Variants in TERF1 observed in about 807,000 individuals in gnomAD.
TERF1 encodes the protein telomeric repeat-binding factor 1.
A neutral mutation model predicts 55.1 loss-of-function variants in TERF1; 20 were observed. The ratio of observed to expected loss-of-function variants is 0.36; its 90% CI spans 0.26 to 0.53. The LOEUF (loss-of-function observed/expected upper bound fraction) is 0.53, where lower values mean the gene tolerates loss of function less well. TERF1 is among the 20% of genes least tolerant of loss of function. The pLI, the probability that TERF1 is intolerant of heterozygous loss-of-function variation, is 0.91. For synonymous variants in TERF1, 168 were observed against 181.2 expected (o/e 0.93, Z 0.59); for missense variants, 439 against 535.7 (o/e 0.82, Z 1.78).
chr8:73,031,551 C>A (rs1295551927), intron 7 of TERF1: 2 of 151,494 alleles, frequency 1.3e-5, no homozygotes, highest in African/African-American at 2.4e-5. Context: ...GCAGAGTTTT[C>A]AAAAAAAATG....
At chr8:73,039,463 A>G (rs1367037899) in intron 9 of TERF1, among the ~76,000 whole-genome samples, 1 of 152,196 alleles carries the variant, frequency 6.6e-6, no homozygotes, top group East Asian at 1.9e-4. Flanking sequence ...TTATTGTGAT[A>G]CTATCATAAA....
intron 2 of TERF1, among the ~76,000 whole-genome samples, chr8:73,019,767 C>T (rs1037218174): frequency 6.6e-6 from 1 of 152,178 alleles, no homozygotes; most frequent in Non-Finnish European, 1.5e-5. Flanking sequence ...GTTTTTCTTC[C>T]AGATCTTTGT....
intron 5 of TERF1, among the ~76,000 whole-genome samples, chr8:73,025,521 G>A (rs1051517613): frequency 1.3e-5 from 2 of 150,636 alleles, no homozygotes; most frequent in Non-Finnish European, 3.0e-5. Flanking sequence ...GGGAGGCCAA[G>A]GCAGGTGAAT....
chr8:73,016,773 A>G (rs1808527049), intron 2 of TERF1, among the ~76,000 whole-genome samples: 1 of 152,050 alleles, frequency 6.6e-6, no homozygotes, highest in African/African-American at 2.4e-5. Flanking sequence ...GAGAAAAGCC[A>G]ATCATGTTTG....
chr8:73,032,182 A>G (rs1250305669), intron 8 of TERF1, 49 bp downstream of exon 8: 2 of 1,360,614 alleles, frequency 1.5e-6, no homozygotes, highest in African/African-American at 1.5e-5. Flanking sequence ...ATGTGTCCTC[A>G]AACAATCCAG....
intron 8 of TERF1, among the ~76,000 whole-genome samples, chr8:73,037,687 TA>T (rs1809612301): frequency 2.0e-5 from 1 of 49,010 alleles, no homozygotes. Flanking sequence ...ATATAATATA[TA>T]TTATATAGTA....
At position 73,033,839 on chromosome 8, in the gene TERF1, A is replaced by C. The variant is rs550012474; in HGVS notation, c.1039+1706A>C. 1.3e-4 allele frequency among the ~76,000 whole-genome samples: 20 copies of C among 152,314 alleles called. No individual in the cohort carries two copies. In the South Asian group the frequency reaches 4.1e-3, roughly 32 times the overall value. ...TTAGCACATTTTATTAGGTGTCAGTAATAAGTACGTTTTCTTAAAAAAATT... is the reference window on the plus strand; with the variant it reads ...TTAGCACATTTTATTAGGTGTCAGTCATAAGTACGTTTTCTTAAAAAAATT... On this transcript the variant is annotated intron_variant, in intron 8 of 9. Coordinates refer to ENST00000276603, the MANE Select transcript of TERF1 (RefSeq NM_017489.3).
At chr8:73,033,956 T>G (rs1809405979) in intron 8 of TERF1, among the ~76,000 whole-genome samples, 1 of 152,208 alleles carries the variant, frequency 6.6e-6, no homozygotes, top group South Asian at 2.1e-4. Context: ...CTTCTTTTTC[T>G]GTTTTTGGAG....
chr8:73,037,416 A>T (rs1410320057), intron 8 of TERF1, among the ~76,000 whole-genome samples: 1 of 131,422 alleles, frequency 7.6e-6, no homozygotes, highest in East Asian at 2.0e-4. Flanking sequence ...AATACATATA[A>T]ATTTTTATAT....
chr8:73,030,335 G>C lies in TERF1; in HGVS notation c.888-1G>C, dbSNP rs904609555. The C allele has an allele frequency of 4.6e-6, 7 of 1,537,756 alleles. No individual in the cohort carries two copies. The African/African-American group carries it at 5.7e-5, about 12-fold the overall frequency. ...CTTACAAATTTTTTCTTCTTTTAAAGTGTTAGTGACAAACAGTCTGCGGTA... is the reference window on the plus strand; with the variant it reads ...CTTACAAATTTTTTCTTCTTTTAAACTGTTAGTGACAAACAGTCTGCGGTA... On this transcript the variant is annotated splice_acceptor_variant, in intron 6 of 9. Coordinates refer to ENST00000276603, the MANE Select transcript of TERF1 (RefSeq NM_017489.3). LOFTEE classifies it high-confidence loss of function.
rs375420725 is a variant in TERF1 at position 73,022,042 on chromosome 8, A to G, written c.538-174A>G. 2.0e-4 allele frequency among the ~76,000 whole-genome samples: 30 copies of G among 152,344 alleles called. No homozygotes were observed. In the South Asian group the frequency reaches 5.6e-3, roughly 28 times the overall value. On this transcript the variant is annotated intron_variant, in intron 3 of 9. Coordinates refer to ENST00000276603, the MANE Select transcript of TERF1 (RefSeq NM_017489.3). ...CAAATTTTTCATGTCATTTCAAGCG[A>G]CACTTATTTTGTCTTTGAAAAATAA...
Position 73,039,959 on chromosome 8 carries a change from G to C in TERF1, c.1143+740G>C, listed in dbSNP as rs183411099. Among the ~76,000 whole-genome samples, 724 of 146,248 alleles carry C rather than the reference G, an allele frequency of 5.0e-3. 8 individuals carry two copies. Among genetic ancestry groups the C allele is most frequent in the African/African-American group, 0.017 (678 of 39,310 alleles). ...AGCTACTGCACCCAGTCAGGCCCTTGTTTTCTTTTGTGGCTGGAACCGTTT... is the reference window on the plus strand; with the variant it reads ...AGCTACTGCACCCAGTCAGGCCCTTCTTTTCTTTTGTGGCTGGAACCGTTT... On this transcript the variant is annotated intron_variant, in intron 9 of 9. Transcript: ENST00000276603.
intron 3 of TERF1, among the ~76,000 whole-genome samples, chr8:73,021,141 C>T (rs1224713061): frequency 6.6e-6 from 1 of 151,924 alleles, no homozygotes; most frequent in African/African-American, 2.4e-5. Flanking sequence ...AAAATTTTAA[C>T]CAAGTAGGGA....
chr8:73,017,815 G>C (rs943540978), intron 2 of TERF1, among the ~76,000 whole-genome samples: 1 of 150,948 alleles, frequency 6.6e-6, no homozygotes, highest in African/African-American at 2.4e-5. Context: ...CGATTCTTCT[G>C]CCTCAGCCTC....
intron 9 of TERF1, among the ~76,000 whole-genome samples, chr8:73,044,076 C>A (rs1409558887): frequency 6.6e-6 from 1 of 152,094 alleles, no homozygotes; most frequent in Non-Finnish European, 1.5e-5. Context: ...TAATCAGTCA[C>A]CCCACACATG....
At chr8:73,041,320 T>A (rs1024539770) in intron 9 of TERF1, among the ~76,000 whole-genome samples, 1 of 152,196 alleles carries the variant, frequency 6.6e-6, no homozygotes, top group Admixed American at 6.5e-5. Flanking sequence ...TCTCTCTTGT[T>A]GTCTCTGGGT....
rs2975853 is a variant in TERF1, at chr8:73,021,004, T to C, written c.537+199T>C. Among the ~76,000 whole-genome samples, 90,303 of 151,886 alleles carry C rather than the reference T, an allele frequency of 0.59. 27,852 individuals are homozygous for C. The highest frequency in any genetic ancestry group is 0.76 in the Middle Eastern group (224 of 294). On this transcript the variant is annotated intron_variant, in intron 3 of 9. Transcript: ENST00000276603. The stretch of plus-strand genomic sequence containing the variant: ...GTGCCATACTTAAGCATATGTTGCC[T>C]CTATGTTGTGGAAAATTTAAAAACC...
intron 3 of TERF1, among the ~76,000 whole-genome samples, chr8:73,021,862 CCT>C (rs1225031549): frequency 6.6e-6 from 1 of 152,186 alleles, no homozygotes; most frequent in African/African-American, 2.4e-5. Flanking sequence ...TCATCTACCT[CCT>C]CTCATTTCCC....
chr8:73,032,074 A>C lies in TERF1; in HGVS notation c.980A>C (p.Gln327Pro), dbSNP rs1296142489. 1 of 1,611,832 alleles carries C rather than the reference A, an allele frequency of 6.2e-7. No individual in the cohort carries two copies. The highest frequency in any genetic ancestry group is 1.3e-5 in the African/African-American group (1 of 74,820). The change falls in exon 8 of 10, where the codon CAA (glutamine) becomes CCA (proline). Residue 327 changes from glutamine to proline, a missense_variant. Physicochemically the swap from Gln to Pro is moderately conservative, Grantham distance 76 (BLOSUM62 -1). Around this residue, in one of 4 missense-constraint regions of TERF1, gnomAD observed 140 missense variants for 158.6 expected, o/e 0.88. Coordinates refer to ENST00000276603, the MANE Select transcript of TERF1 (RefSeq NM_017489.3). The stretch of plus-strand genomic sequence containing the variant: ...AAGAATCTTTTCTTATCTAAGTTGC[A>C]ACATGGAACCCAGCAACAAGACCTT... ...SHKNLFLSKL[Q>P]HGTQQQDLNK...
Sources: gnomAD v4.1 joint callset for allele counts (sites outside exome capture counted in the v4.1 genomes callset) on GRCh38, gnomAD v4.1.1 for gene constraint, gnomAD v4.1.1 regional missense constraint, MANE v1.5 for transcripts, NCBI Gene and HGNC (gene_info 2026-07-23, HGNC 2026-07-21) for gene names.